The following RBFOX1 variants were observed in gnomAD, a reference collection of about 807,000 sequenced individuals.
RBFOX1 encodes RNA binding fox-1 homolog 1, also known as RNA binding protein fox-1 homolog 1.
In RBFOX1, 8 loss-of-function variants were observed where a neutral mutation model predicts 57.7. That is an observed-to-expected ratio of 0.14 (90% confidence interval 0.08 to 0.25). The LOEUF (loss-of-function observed/expected upper bound fraction) is 0.25. RBFOX1 is among the 10% of genes least tolerant of loss of function. RBFOX1 has a pLI of 1.00. For synonymous variants in RBFOX1, 326 were observed against 222.4 expected, an observed-to-expected ratio of 1.47 and a Z score of -4.15; for missense variants, 611 against 548.5, an observed-to-expected ratio of 1.11 and a Z score of -1.14.
intron 2 of RBFOX1, among the ~76,000 whole-genome samples, chr16:6,497,474 A>G (rs914997181): frequency 6.6e-6 from 1 of 152,124 alleles, no homozygotes; most frequent in Admixed American, 6.5e-5. Context: ...GAACTCTAGA[A>G]GAACAGCTCT....
At chr16:6,397,423 C>A (rs1226744969) in intron 2 of RBFOX1, among the ~76,000 whole-genome samples, 1 of 149,698 alleles carries the variant, frequency 6.7e-6, no homozygotes, top group Non-Finnish European at 1.5e-5. Context: ...AATCTGCCCA[C>A]CCAGAATTCT....
intron 3 of RBFOX1, among the ~76,000 whole-genome samples, chr16:6,673,664 G>T (rs940391583): frequency 1.2e-4 from 18 of 152,158 alleles, no homozygotes; most frequent in African/African-American, 4.3e-4. Flanking sequence ...GACTTGCCGG[G>T]GTGGAGGACC....
At chr16:6,419,360 A>T (rs2093711990) in intron 2 of RBFOX1, among the ~76,000 whole-genome samples, 1 of 152,148 alleles carries the variant, frequency 6.6e-6, no homozygotes, top group Non-Finnish European at 1.5e-5. Flanking sequence ...GCTCTCTAAA[A>T]AGTGTGGAGT....
chr16:7,266,882 G>A (rs1016135310), intron 4 of RBFOX1, among the ~76,000 whole-genome samples: 2 of 152,100 alleles, frequency 1.3e-5, no homozygotes, highest in African/African-American at 4.8e-5. Context: ...TTAGGACTGG[G>A]GGTGAGTGGT....
intron 3 of RBFOX1, among the ~76,000 whole-genome samples, chr16:6,873,146 G>C (rs531362713): frequency 1.2e-4 from 18 of 149,440 alleles, no homozygotes; most frequent in Admixed American, 2.7e-4. Context: ...AAAAAAAAAA[G>C]CTCTATAGCA....
At position 6,925,243 on chromosome 16, in the gene RBFOX1, C is replaced by T. The variant is rs934373092; in HGVS notation, c.-15-126814C>T. Among the ~76,000 whole-genome samples, 15 of 141,816 alleles carry T rather than the reference C, an allele frequency of 1.1e-4. No homozygotes were observed. The Admixed American group carries it at 1.1e-3, about 10-fold the overall frequency. 93.0% of individuals were successfully genotyped at this position (141,816 alleles called of 152,430 possible). On this transcript the variant is annotated intron_variant, in intron 3 of 15. Coordinates refer to ENST00000550418, the MANE Select transcript of RBFOX1 (RefSeq NM_018723.4). ...CTGCCTCCCGGGCTCAAGCAATTGT[C>T]GTACCTCAGTCTCCCAAGTAGCTGG...
intron 4 of RBFOX1, among the ~76,000 whole-genome samples, chr16:7,271,005 TTTA>T (rs1281985187): frequency 1.3e-5 from 2 of 152,316 alleles, no homozygotes; most frequent in African/African-American, 4.8e-5. Flanking sequence ...GGCCTGTGTC[TTTA>T]TTAGCCCTGC....
chr16:5,467,608 T>G (rs1220291429), intron 2 of RBFOX1, among the ~76,000 whole-genome samples: 1 of 152,220 alleles, frequency 6.6e-6, no homozygotes, highest in African/African-American at 2.4e-5. Flanking sequence ...ATCCTTGCAT[T>G]ATGCCACAAT....
intron 4 of RBFOX1, among the ~76,000 whole-genome samples, chr16:5,922,517 A>G (rs2058847156): frequency 6.6e-6 from 1 of 152,130 alleles, no homozygotes; most frequent in Admixed American, 6.5e-5. Flanking sequence ...GAGCCCAGGC[A>G]CAGCATGTAC....
In RBFOX1 at chr16:6,668,816, G is replaced by T. The variant is rs868682973; in HGVS notation, c.-16+14166G>T. Among the ~76,000 whole-genome samples the T allele has an allele frequency of 5.3e-3, 29 of 5,430 alleles. No homozygotes were observed. The Middle Eastern group carries it at 0.5, about 94-fold the overall frequency. 3.6% of individuals were successfully genotyped at this position (5,430 alleles called of 152,430 possible). On this transcript the variant is annotated intron_variant, in intron 3 of 15. Transcript: ENST00000550418. Reference sequence around the variant, plus strand: ...CACTTATTTTACTTAAAAGAAGCAAGTCTATTTTGTGTAATTTTTAGCAAA... The same window carrying T: ...CACTTATTTTACTTAAAAGAAGCAATTCTATTTTGTGTAATTTTTAGCAAA...
At chr16:5,461,185 A>C (rs190610052) in intron 1 of RBFOX1, among the ~76,000 whole-genome samples, 1 of 152,146 alleles carries the variant, frequency 6.6e-6, no homozygotes, top group Non-Finnish European at 1.5e-5. Flanking sequence ...GCTGTTTGCA[A>C]GGTTAGACCA....
At position 5,686,415 on chromosome 16, in the gene RBFOX1, C is replaced by T. The variant is rs971540789; in HGVS notation, c.318+87454C>T. On this transcript the variant is annotated intron_variant, in intron 3 of 19. Coordinates refer to the RBFOX1 transcript ENST00000641259. ...TTTTTTGAGAATAGAAGAAAGACTT[C>T]CTGGGAATAGGAGGTAGAATATAGT... Among the ~76,000 whole-genome samples the T allele has an allele frequency of 3.9e-5, 6 of 152,048 alleles. No individual in the cohort carries two copies. The East Asian group carries it at 1.2e-3, about 29-fold the overall frequency.
rs370427633 is a variant in RBFOX1 at position 6,024,748 on chromosome 16, T to G, written c.-127+4756T>G. 9.2e-5 allele frequency among the ~76,000 whole-genome samples: 14 copies of G among 152,302 alleles called. No homozygotes were observed. In the East Asian group the frequency reaches 2.3e-3, roughly 25 times the overall value. On this transcript the variant is annotated intron_variant, in intron 1 of 15. Transcript: ENST00000550418. ...CACCCGCCTCCTCGGCCTCTCAAAG[T>G]GCTAGGATTACAGGCGTGAGCCACC... is the stretch of plus-strand genomic sequence containing the variant.
At position 7,635,627 on chromosome 16, in the gene RBFOX1, G is replaced by C. The variant is rs76192490; in HGVS notation, c.757+4944G>C. On this transcript the variant is annotated intron_variant, in intron 11 of 15. Transcript: ENST00000550418. ...TTTACAGAGGAGAGTATACACAGAT[G>C]TTACATGGACATTACATATATCAAT... Among the ~76,000 whole-genome samples the C allele has an allele frequency of 5.3e-3, 802 of 151,330 alleles. 12 individuals carry two copies. The highest frequency in any genetic ancestry group is 0.019 in the African/African-American group (773 of 40,992).
intron 3 of RBFOX1, among the ~76,000 whole-genome samples, chr16:6,939,401 G>GTGTA (rs1555651075): frequency 6.0e-5 from 9 of 150,572 alleles, no homozygotes; most frequent in African/African-American, 2.2e-4. Context: ...GTGTGTGTGT[G>GTGTA]TATATATATA....
intron 1 of RBFOX1, among the ~76,000 whole-genome samples, chr16:6,040,582 CTCTT>C (rs958948360): frequency 2.6e-5 from 4 of 151,208 alleles, no homozygotes; most frequent in African/African-American, 7.3e-5. Context: ...CTCTCTCTCT[CTCTT>C]TCTTTCTTAT....
At chr16:6,553,746 G>A (rs1481379848) in intron 2 of RBFOX1, among the ~76,000 whole-genome samples, 1 of 152,184 alleles carries the variant, frequency 6.6e-6, no homozygotes, top group Non-Finnish European at 1.5e-5. Flanking sequence ...AGCAAAAGGT[G>A]ATAGGAGAGG....
At chr16:7,447,950 T>C (rs1186653812) in intron 4 of RBFOX1, among the ~76,000 whole-genome samples, 1 of 152,202 alleles carries the variant, frequency 6.6e-6, no homozygotes, top group African/African-American at 2.4e-5. Context: ...CTAGGTCCCT[T>C]CCAAAGTACT....
intron 12 of RBFOX1, among the ~76,000 whole-genome samples, chr16:7,659,413 G>C (rs888327451): frequency 3.3e-5 from 5 of 152,112 alleles, no homozygotes; most frequent in Non-Finnish European, 5.9e-5. Flanking sequence ...TGTAGTATCT[G>C]ATGCTTAGGA....
Sources: allele counts gnomAD v4.1 joint callset (sites outside exome capture counted in the v4.1 genomes callset), GRCh38; gene constraint gnomAD v4.1.1; transcripts MANE v1.5; gene names NCBI Gene and HGNC (gene_info 2026-07-23, HGNC 2026-07-21).